Variants in CEP295 observed in about 807,000 individuals in gnomAD.
CEP295 encodes the protein centrosomal protein of 295 kDa.
In CEP295, 190 loss-of-function variants were observed where a neutral mutation model predicts 291.6. The observed-to-expected ratio is 0.65, with a 90% CI of 0.58 to 0.73. The LOEUF (loss-of-function observed/expected upper bound fraction) is 0.73, where lower values mean the gene tolerates loss of function less well. Among genes scored for constraint, CEP295 ranks in the 30% least tolerant of loss-of-function variants. The probability of loss-of-function intolerance (pLI) is 0.00; values close to 1 mark genes in which losing one functional copy is unlikely to be tolerated. For missense variants in CEP295, 2,863 were observed against 2,949.4 expected, an observed-to-expected ratio of 0.97 and a Z score of 0.68; for synonymous variants, 993 against 1,038.8, an observed-to-expected ratio of 0.96 and a Z score of 0.85.
Position 93,697,435 on chromosome 11 carries a change from A to T in CEP295, c.2523A>T (p.Thr841=). 1 of 1,552,236 alleles carries T rather than the reference A, an allele frequency of 6.4e-7. No homozygotes were observed. The highest frequency in any genetic ancestry group is 8.7e-7 in the Non-Finnish European group (1 of 1,147,106). The part of the protein sequence containing the change: ...DRPLLPSENI[T]AQQGNMKALQ... The stretch of plus-strand genomic sequence containing the variant: ...CTTTGCTGCCGTCAGAGAATATCAC[A>T]GCCCAGCAAGGTAATATGAAGGCCC... The change falls in exon 15 of 30, where the codon ACA becomes ACT. Residue 841 remains threonine (T), a synonymous_variant. Coordinates refer to ENST00000325212, the MANE Select transcript of CEP295 (RefSeq NM_033395.2).
rs1335010471 is a variant in CEP295, at chr11:93,707,025, A to C, written c.5749+128A>C. 4 of 794,814 alleles carry C rather than the reference A, an allele frequency of 5.0e-6. No individual in the cohort carries two copies. The African/African-American group carries it at 5.2e-5, about 10-fold the overall frequency. The allele number at this position is 794,814 out of a possible 1,614,324, so 49.2% of individuals were successfully genotyped here. A position where few individuals can be genotyped will look rare whatever the true frequency, so the allele number is the denominator to read the frequency against. ...AGTTACTGCTGTTAATGGAATCGTT[A>C]TGATGCAGTTAACTATATTGTTCTA... On this transcript the variant is annotated intron_variant, in intron 18 of 29. Coordinates refer to ENST00000325212, the MANE Select transcript of CEP295 (RefSeq NM_033395.2).
chr11:93,672,241 A>G (rs1248182653), intron 5 of CEP295, among the ~76,000 whole-genome samples: 2 of 152,190 alleles, frequency 1.3e-5, no homozygotes, highest in Non-Finnish European at 1.5e-5. Flanking sequence ...TAACTGTTCA[A>G]GTTAACTACT....
intron 7 of CEP295, among the ~76,000 whole-genome samples, chr11:93,682,531 AT>A (rs1234178243): frequency 6.6e-6 from 1 of 151,194 alleles, no homozygotes; most frequent in Non-Finnish European, 1.5e-5. Context: ...GCCCATTACC[AT>A]TTTTTTAATG....
chr11:93,718,012 A>G (rs577977202), intron 18 of CEP295, among the ~76,000 whole-genome samples: 3 of 152,290 alleles, frequency 2.0e-5, no homozygotes, highest in South Asian at 4.1e-4. Flanking sequence ...CCTAGGCTCA[A>G]TTGATCCTCC....
chr11:93,670,710 G>A lies in CEP295; in HGVS notation c.528+940G>A, dbSNP rs79455550. ...AAAGTTGTATTTCAGTCACTCCTTC[G>A]GTACAAAGTGACATGATAAAAGCCA... On this transcript the variant is annotated intron_variant, in intron 5 of 29. Coordinates refer to ENST00000325212, the MANE Select transcript of CEP295 (RefSeq NM_033395.2). Among the ~76,000 whole-genome samples the A allele has an allele frequency of 5.1e-3, 774 of 152,036 alleles. 11 individuals are homozygous for A. The highest frequency in any genetic ancestry group is 0.017 in the African/African-American group (712 of 41,462).
At chr11:93,674,431 T>C (rs1376695821) in intron 5 of CEP295, among the ~76,000 whole-genome samples, 3 of 152,184 alleles carry the variant, frequency 2.0e-5, no homozygotes, top group Non-Finnish European at 4.4e-5. Context: ...CCAGGCATGG[T>C]GGTACATGCT....
In CEP295 at chr11:93,696,406, A is replaced by G; in HGVS notation, c.1758A>G (p.Leu586=). The G allele has an allele frequency of 6.5e-7, 1 of 1,536,104 alleles. No homozygotes were observed. The highest frequency in any genetic ancestry group is 8.8e-7 in the Non-Finnish European group (1 of 1,133,204). ...TTCGTAACTATCAACATCAGCTTTT[A>G]CAACAAAACAGGTATTAGCTAGGGT... is the stretch of plus-strand genomic sequence containing the variant. ...QMIRNYQHQL[L]QQNRLHRQSV... is the part of the protein sequence containing the mutation. Residue 586 remains leucine (L), a synonymous_variant, in exon 14 of 30, where the codon TTA becomes TTG. Coordinates refer to ENST00000325212, the MANE Select transcript of CEP295 (RefSeq NM_033395.2).
At position 93,691,793 on chromosome 11, in the gene CEP295, A is replaced by T; in HGVS notation, c.1429+18A>T. ...AGAACAAGGTATTTCTTTTTATCAC[A>T]TCCTCAAATTAAATTTGACTCCTTG... is the stretch of plus-strand genomic sequence containing the variant. On this transcript the variant is annotated intron_variant, in intron 11 of 29. Coordinates refer to ENST00000325212, the MANE Select transcript of CEP295 (RefSeq NM_033395.2). 6.8e-7 allele frequency: 1 copy of T among 1,466,254 alleles called. No homozygotes were observed. The highest frequency in any genetic ancestry group is 9.3e-7 in the Non-Finnish European group (1 of 1,078,840). The allele number at this position is 1,466,254 out of a possible 1,614,324, so 90.8% of individuals were successfully genotyped here.
intron 17 of CEP295, among the ~76,000 whole-genome samples, chr11:93,704,603 T>A (rs956703429): frequency 6.6e-6 from 1 of 152,042 alleles, no homozygotes; most frequent in African/African-American, 2.4e-5. Flanking sequence ...CCAAAACCCC[T>A]GGTAGGTGAA....
Position 93,668,885 on chromosome 11 carries a change from G to A in CEP295, c.387G>A (p.Leu129=), listed in dbSNP as rs1370979729. 12 of 1,379,880 alleles carry A rather than the reference G, an allele frequency of 8.7e-6. No individual in the cohort carries two copies. The South Asian group carries it at 1.6e-4, about 18-fold the overall frequency. The allele number at this position is 1,379,880 out of a possible 1,614,324, so 85.5% of individuals were successfully genotyped here. A position where few individuals can be genotyped will look rare whatever the true frequency, so the allele number is the denominator to read the frequency against. Residue 129 remains leucine (L), a synonymous_variant, in exon 4 of 30, where the codon TTG becomes TTA. Coordinates refer to ENST00000325212, the MANE Select transcript of CEP295 (RefSeq NM_033395.2). ...RKADLRHKEA[L]KVQKNQKEIL... ...CAGATTTGAGGCATAAAGAAGCCTT[G>A]AAAGTACAGAAAAATCAAAAAGAAA... is the stretch of plus-strand genomic sequence containing the variant.
intron 6 of CEP295, among the ~76,000 whole-genome samples, chr11:93,678,295 A>G (rs992149648): frequency 2.0e-5 from 3 of 152,202 alleles, no homozygotes; most frequent in Non-Finnish European, 4.4e-5. Context: ...AAATACTCCT[A>G]CAGATTATAA....
chr11:93,723,096 A>C lies in CEP295; in HGVS notation c.6003A>C (p.Glu2001Asp). ...AGCAAGAATCTACCACCAGTAAAGA[A>C]GAGGAAACAAATATTATAAGTTCCA... ...DSKQESTTSK[E>D]EETNIISSIV... Residue 2001 changes from glutamate (E) to aspartate (D), a missense_variant, in exon 21 of 30, where the codon GAA becomes GAC. Glu to Asp is a conservative substitution (Grantham distance 45). This residue lies in a region of CEP295 where 2,295 missense variants were observed against 2,335.7 expected (regional missense o/e 0.98). Transcript: ENST00000325212. 2 of 1,551,404 alleles carry C rather than the reference A, an allele frequency of 1.3e-6. No homozygotes were observed. The highest frequency in any genetic ancestry group is 1.7e-6 in the Non-Finnish European group (2 of 1,146,618).
intron 6 of CEP295, among the ~76,000 whole-genome samples, chr11:93,676,800 A>C (rs1334396901): frequency 2.0e-5 from 3 of 152,028 alleles, no homozygotes; most frequent in Non-Finnish European, 2.9e-5. Flanking sequence ...TGATGGTATT[A>C]AATTAATATC....
intron 15 of CEP295, among the ~76,000 whole-genome samples, chr11:93,701,521 G>A (rs1384876569): frequency 1.3e-5 from 2 of 152,186 alleles, no homozygotes; most frequent in Admixed American, 1.3e-4. Flanking sequence ...AATGGCAAAA[G>A]AAAAGCAGAG....
In CEP295 at chr11:93,728,835, T is replaced by G. The variant is rs993082562; in HGVS notation, c.7302+14T>G. On this transcript the variant is annotated intron_variant, in intron 25 of 29. Coordinates refer to ENST00000325212, the MANE Select transcript of CEP295 (RefSeq NM_033395.2). Reference sequence around the variant, plus strand: ...TGCTTCTTTCAGGTAAATTTAAGCTTTCCTTCTATTTTATTCTATTACAAG... The same window carrying G: ...TGCTTCTTTCAGGTAAATTTAAGCTGTCCTTCTATTTTATTCTATTACAAG... 6.5e-7 allele frequency: 1 copy of G among 1,530,132 alleles called. No individual in the cohort carries two copies. The highest frequency in any genetic ancestry group is 2.5e-5 in the East Asian group (1 of 40,816). The allele number at this position is 1,530,132 out of a possible 1,614,324, so 94.8% of individuals were successfully genotyped here.
Position 93,699,086 on chromosome 11 carries a change from G to A in CEP295, c.4174G>A (p.Val1392Ile), listed in dbSNP as rs1186080252. ...EWEGRISPEQ[V>I]DTSSLPLVPQ... ...GGAGGGAAGAATATCTCCCGAGCAG[G>A]TTGACACCTCTTCCTTACCCCTAGT... Residue 1392 changes from valine to isoleucine, a missense_variant, in exon 15 of 30, where the codon GTT becomes ATT. Val to Ile is a conservative substitution (Grantham distance 29). Transcript: ENST00000325212. 3.9e-6 allele frequency: 6 copies of A among 1,547,260 alleles called. No homozygotes were observed. The highest frequency in any genetic ancestry group is 5.2e-6 in the Non-Finnish European group (6 of 1,147,076).
chr11:93,693,725 G>A (rs988674707), intron 12 of CEP295, among the ~76,000 whole-genome samples: 15 of 152,046 alleles, frequency 9.9e-5, no homozygotes, highest in African/African-American at 3.4e-4. Context: ...CACTGCATTC[G>A]CCTGGGCGAC....
At position 93,727,020 on chromosome 11, in the gene CEP295, C is replaced by T. The variant is rs1954200260; in HGVS notation, c.6544C>T (p.Gln2182Ter). The T allele has an allele frequency of 6.5e-7, 1 of 1,546,332 alleles. No individual in the cohort carries two copies. The highest frequency in any genetic ancestry group is 8.7e-7 in the Non-Finnish European group (1 of 1,145,234). ...FEQLQPEYSS[Q>*]EESQHADLPS... is the part of the protein sequence containing the mutation. ...ACAGCTTCAGCCAGAATATTCTTCA[C>T]AGGAGGAGAGCCAGCATGCTGATCT... Residue 2182 changes from glutamine (Q) to a stop codon, truncating the protein, a stop_gained, in exon 24 of 30, where the codon CAG becomes TAG. Coordinates refer to ENST00000325212, the MANE Select transcript of CEP295 (RefSeq NM_033395.2). LOFTEE classifies it high-confidence loss of function.
chr11:93,726,899 A>C lies in CEP295; in HGVS notation c.6500-77A>C, dbSNP rs1334789798. 4.0e-5 allele frequency: 46 copies of C among 1,149,974 alleles called. No individual in the cohort carries two copies. The East Asian group carries it at 1.2e-3, about 30-fold the overall frequency. 71.2% of individuals were successfully genotyped at this position (1,149,974 alleles called of 1,614,324 possible). On this transcript the variant is annotated intron_variant, in intron 23 of 29. Transcript: ENST00000325212. ...GTAGGTTACTTGCAATTGGATGATA[A>C]ACTATTAGAGACTGTCAGTATCCAA...
Sources: gnomAD v4.1 joint callset for allele counts (sites outside exome capture counted in the v4.1 genomes callset) on GRCh38, gnomAD v4.1.1 for gene constraint, gnomAD v4.1.1 regional missense constraint, MANE v1.5 for transcripts, NCBI Gene and HGNC (gene_info 2026-07-23, HGNC 2026-07-21) for gene names.